Variants in FBLN2 observed in about 807,000 individuals in gnomAD.
The protein encoded by FBLN2 is fibulin 2, also known as fibulin-2.
FBLN2 carries 81 observed loss-of-function variants against 123.7 expected under a neutral mutation model. The observed-to-expected ratio is 0.65, with a 90% CI of 0.55 to 0.79. The LOEUF (loss-of-function observed/expected upper bound fraction) is 0.79. Among genes scored for constraint, FBLN2 ranks in the 30% least tolerant of loss-of-function variants. The probability of loss-of-function intolerance (pLI) is 0.00; values close to 1 mark genes in which losing one functional copy is unlikely to be tolerated. For synonymous variants in FBLN2, 699 were observed against 701.4 expected (o/e 1.00, Z 0.05); for missense variants, 1,603 against 1,681.3 (o/e 0.95, Z 0.81).
chr3:13,567,513 A>G (rs749729714), intron 1 of FBLN2, among the ~76,000 whole-genome samples: 75 of 152,154 alleles, frequency 4.9e-4, no homozygotes, highest in Non-Finnish European at 1.5e-4. Flanking sequence ...ACACGCCATC[A>G]TGCCTGGCTA....
At chr3:13,618,412 A>G (rs778111937) in intron 6 of FBLN2, 127 bp downstream of exon 6, 2 of 803,826 alleles carry the variant, frequency 2.5e-6, no homozygotes, top group Non-Finnish European at 3.9e-6. Flanking sequence ...GAACCCACAG[A>G]AGCCTGAAGC....
intron 4 of FBLN2, 38 bp downstream of exon 4, chr3:13,609,680 G>A: frequency 6.6e-7 from 1 of 1,519,830 alleles, no homozygotes; most frequent in Non-Finnish European, 8.9e-7. Flanking sequence ...AGGGTGGGGT[G>A]GGGCGGGGCG....
chr3:13,632,129 T>A (rs771064768), intron 16 of FBLN2, among the ~76,000 whole-genome samples: 1 of 152,224 alleles, frequency 6.6e-6, no homozygotes, highest in Middle Eastern at 3.2e-3. Flanking sequence ...GTCGTACTTC[T>A]AAGTTCAGTG....
intron 2 of FBLN2, among the ~76,000 whole-genome samples, chr3:13,604,380 G>A (rs929809846): frequency 2.0e-5 from 3 of 152,130 alleles, no homozygotes; most frequent in Non-Finnish European, 2.9e-5. Context: ...TAACATTTAA[G>A]TCTTTAATCC....
chr3:13,567,879 G>A (rs1703796558), intron 1 of FBLN2, among the ~76,000 whole-genome samples: 1 of 152,162 alleles, frequency 6.6e-6, no homozygotes, highest in African/African-American at 2.4e-5. Flanking sequence ...GATCGCTTGA[G>A]CTCGGGAGGT....
chr3:13,570,680 T>G lies in FBLN2; in HGVS notation c.325T>G (p.Cys109Gly). ...CCCACCAGGCGGCGGCAAGATCAGC[T>G]GCCAGTTCATGCTGTGCCCGGAGCT... is the stretch of plus-strand genomic sequence containing the variant. ...SCPPGGGKIS[C>G]QFMLCPELPP... The change falls in exon 2 of 18, where the codon TGC (cysteine) becomes GGC (glycine). Residue 109 changes from cysteine (C) to glycine (G), a missense_variant. By Grantham distance (159) the Cys-to-Gly change is radical. Transcript: ENST00000404922. The G allele has an allele frequency of 6.3e-7, 1 of 1,586,130 alleles. No homozygotes were observed. Among genetic ancestry groups the G allele is most frequent in the Non-Finnish European group, 8.6e-7 (1 of 1,167,248 alleles).
At chr3:13,549,355 C>G (rs1703261576) in intron 1 of FBLN2, 147 bp downstream of exon 1, 1 of 367,858 alleles carries the variant, frequency 2.7e-6, no homozygotes, top group African/African-American at 2.2e-5. Context: ...CCCGCGCCGC[C>G]GGTCCGACCG....
intron 16 of FBLN2, among the ~76,000 whole-genome samples, chr3:13,634,056 A>C (rs1303506439): frequency 6.7e-6 from 1 of 149,570 alleles, no homozygotes; most frequent in African/African-American, 2.5e-5. Context: ...TCTGCATGCC[A>C]CTCGATGGGG....
At chr3:13,619,604 A>C (rs41293409) in intron 7 of FBLN2, 126 bp from the exon 8 acceptor site, 23,024 of 726,926 alleles carry the variant, frequency 0.032, 476 homozygotes, top group Middle Eastern at 0.079. Flanking sequence ...GTCTCCCAGC[A>C]TCCCTGCCTT....
chr3:13,609,688 G>GGGGGGGC, intron 4 of FBLN2, 46 bp downstream of exon 4: 8 of 512,594 alleles, frequency 1.6e-5, no homozygotes, highest in Non-Finnish European at 2.5e-5. Flanking sequence ...GTGGGGCGGG[G>GGGGGGGC]CGGGAGGCTG....
chr3:13,559,083 A>T (rs1703540804), intron 1 of FBLN2, among the ~76,000 whole-genome samples: 1 of 152,112 alleles, frequency 6.6e-6, no homozygotes, highest in Non-Finnish European at 1.5e-5. Flanking sequence ...TGTCTCCGTT[A>T]GGAGTTTTTT....
intron 2 of FBLN2, among the ~76,000 whole-genome samples, chr3:13,593,449 C>A (rs533305238): frequency 6.6e-6 from 1 of 152,130 alleles, no homozygotes; most frequent in Non-Finnish European, 1.5e-5. Flanking sequence ...GGCGCAGTGG[C>A]TCATACCTGT....
In FBLN2 at chr3:13,558,480, GT is replaced by G. The variant is rs749477619; in HGVS notation, c.-42+9275del. On this transcript the variant is annotated intron_variant, in intron 1 of 17. Coordinates refer to ENST00000404922, the MANE Select transcript of FBLN2 (RefSeq NM_001004019.2). ...TGAAAGGTGGACACGTACCTTGGTT[GT>G]TTAGGTCACTTAGCCAGTGACTAGC... Among the ~76,000 whole-genome samples, 16 of 152,190 alleles carry G rather than the reference GT, an allele frequency of 1.1e-4. No individual in the cohort carries two copies. The East Asian group carries it at 2.3e-3, about 22-fold the overall frequency.
intron 2 of FBLN2, among the ~76,000 whole-genome samples, chr3:13,581,220 G>C (rs1246808189): frequency 5.8e-4 from 88 of 151,536 alleles, no homozygotes; most frequent in African/African-American, 2.1e-3. Flanking sequence ...GCAGGTGGGG[G>C]GTGGGGGGGA....
At chr3:13,606,179 G>A (rs904541514) in intron 2 of FBLN2, among the ~76,000 whole-genome samples, 2 of 152,270 alleles carry the variant, frequency 1.3e-5, no homozygotes, top group South Asian at 2.1e-4. Flanking sequence ...GGATACAGGC[G>A]TGAACCACCA....
intron 2 of FBLN2, among the ~76,000 whole-genome samples, chr3:13,600,829 T>A (rs1415983196): frequency 6.6e-6 from 1 of 152,174 alleles, no homozygotes; most frequent in Non-Finnish European, 1.5e-5. Context: ...TTGGCCAGGT[T>A]GGTCTCAAAC....
At chr3:13,571,748 G>T in intron 2 of FBLN2, 87 bp downstream of exon 2, 2 of 1,427,272 alleles carry the variant, frequency 1.4e-6, no homozygotes, top group African/African-American at 2.9e-5. Context: ...CTCTGCCTGG[G>T]GCTGGGGATG....
Position 13,614,015 on chromosome 3 carries a change from G to A in FBLN2, c.1580G>A (p.Arg527His), listed in dbSNP as rs377154542. ...TGTGACTGCTGTGGCCTGGGCCTCC[G>A]CGTGCGGGCCGAGGGCCAGTCGTGT... ...QCCDCCGLGL[R>H]VRAEGQSCES... Residue 527 changes from arginine (R) to histidine (H), a missense_variant, in exon 5 of 18, where the codon CGC becomes CAC. By Grantham distance (29) the Arg-to-His change is conservative. Coordinates refer to ENST00000404922, the MANE Select transcript of FBLN2 (RefSeq NM_001004019.2). 122 of 1,613,004 alleles carry A rather than the reference G, an allele frequency of 7.6e-5. No homozygotes were observed. Among genetic ancestry groups the A allele is most frequent in the Non-Finnish European group, 9.6e-5 (113 of 1,179,858 alleles).
rs762568446 is a variant in FBLN2, at chr3:13,609,580, G to A, written c.1486G>A (p.Ala496Thr). ...GAGCTGCATGGCCGGCGTCCTGGGA[G>A]CCAAGGAGGGTGAGACCTGTGGGGC... is the stretch of plus-strand genomic sequence containing the variant. ...EKSCMAGVLG[A>T]KEGETCGAED... Residue 496 changes from alanine (A) to threonine (T), a missense_variant, in exon 4 of 18, where the codon GCC becomes ACC. Coordinates refer to ENST00000404922, the MANE Select transcript of FBLN2 (RefSeq NM_001004019.2). 6.5e-5 allele frequency: 101 copies of A among 1,558,950 alleles called. 1 individual carries two copies. In the Admixed American group the frequency reaches 1.7e-3, roughly 26 times the overall value.
Sources: gnomAD v4.1 joint callset for allele counts (sites outside exome capture counted in the v4.1 genomes callset) on GRCh38, gnomAD v4.1.1 for gene constraint, MANE v1.5 for transcripts, NCBI Gene and HGNC (gene_info 2026-07-23, HGNC 2026-07-21) for gene names.